Variants in IBTK observed in about 807,000 individuals in gnomAD.
The protein encoded by IBTK is inhibitor of Bruton tyrosine kinase, also known as BTK-binding protein.
A neutral mutation model predicts 154.9 loss-of-function variants in IBTK; 83 were observed. The ratio of observed to expected loss-of-function variants is 0.54; its 90% confidence interval spans 0.45 to 0.64. The LOEUF (loss-of-function observed/expected upper bound fraction) is 0.64. Among genes scored for constraint, IBTK ranks in the 30% least tolerant of loss-of-function variants. The probability of loss-of-function intolerance (pLI) is 0.00; values close to 1 mark genes in which losing one functional copy is unlikely to be tolerated. For synonymous variants in IBTK, 515 were observed against 536.1 expected, an observed-to-expected ratio of 0.96 and a Z score of 0.54; for missense variants, 1,332 against 1,584.6, an observed-to-expected ratio of 0.84 and a Z score of 2.71.
Position 82,240,615 on chromosome 6 carries a change from C to T in IBTK, c.-129G>A. 1.3e-6 allele frequency: 1 copy of T among 747,328 alleles called. No homozygotes were observed. The highest frequency in any genetic ancestry group is 2.1e-6 in the Non-Finnish European group (1 of 465,596). The allele number at this position is 747,328 out of a possible 1,614,324, so 46.3% of individuals were successfully genotyped here. On this transcript the variant is annotated 5_prime_UTR_variant, in exon 2 of 29. Transcript: ENST00000306270. ...ATTACCTTTTTAGGATAATTTAAAT[C>T]CTCCTGACAATAGTATAAAACTATA...
intron 15 of IBTK, 88 bp from the exon 16 acceptor site, chr6:82,210,998 C>T: frequency 1.6e-6 from 1 of 624,738 alleles, no homozygotes; most frequent in East Asian, 3.3e-5. Context: ...GTACAAAACA[C>T]TCTGAACAGG....
intron 28 of IBTK, among the ~76,000 whole-genome samples, chr6:82,172,145 C>T (rs2127795055): frequency 6.6e-6 from 1 of 152,214 alleles, no homozygotes; most frequent in Non-Finnish European, 1.5e-5. Context: ...TCCAAAGTAT[C>T]ACCAAAGCAA....
intron 23 of IBTK, among the ~76,000 whole-genome samples, chr6:82,194,075 T>C (rs1402825624): frequency 1.3e-5 from 2 of 152,116 alleles, no homozygotes; most frequent in Admixed American, 6.5e-5. Context: ...CCTCTGAAAA[T>C]TAACTGAATA....
Position 82,181,962 on chromosome 6 carries a change from AGACTTTTTTTCT to A in IBTK, c.3630_3641del (p.Glu1210_Ser1214delinsAsp). On this transcript the variant is annotated inframe_deletion, in exon 26 of 29. Coordinates refer to ENST00000306270, the MANE Select transcript of IBTK (RefSeq NM_015525.4). ...GATCGCCTGAACTATGGCTAGTAAC[AGACTTTTTTTCT>A]TCTAGTAAGAAATCCCGGAATGACT... 1 of 1,606,144 alleles carries A rather than the reference AGACTTTTTTTCT, an allele frequency of 6.2e-7. No individual in the cohort carries two copies. Among genetic ancestry groups the A allele is most frequent in the Non-Finnish European group, 8.5e-7 (1 of 1,178,152 alleles).
intron 25 of IBTK, among the ~76,000 whole-genome samples, chr6:82,182,995 C>A (rs1217593733): frequency 6.6e-6 from 1 of 152,096 alleles, no homozygotes; most frequent in Non-Finnish European, 1.5e-5. Context: ...AGCTGAGATT[C>A]CTGACCCAAA....
chr6:82,210,629 A>G (rs1340802941), intron 16 of IBTK, among the ~76,000 whole-genome samples, 185 bp downstream of exon 16: 1 of 152,138 alleles, frequency 6.6e-6, no homozygotes, highest in Non-Finnish European at 1.5e-5. Flanking sequence ...GTTTGAGACT[A>G]GCCTGGGCAA....
intron 20 of IBTK, 130 bp downstream of exon 20, chr6:82,200,457 A>T: frequency 2.2e-6 from 2 of 915,372 alleles, no homozygotes; most frequent in Non-Finnish European, 3.2e-6. Context: ...TTCTTATGTC[A>T]GAATTTCTCA....
chr6:82,194,580 T>C lies in IBTK; in HGVS notation c.3237A>G (p.Pro1079=), dbSNP rs780740496. The C allele has an allele frequency of 1.2e-5, 20 of 1,612,040 alleles. No homozygotes were observed. In the South Asian group the frequency reaches 1.9e-4, roughly 15 times the overall value. Residue 1079 remains proline (P), a synonymous_variant, in exon 23 of 29, where the codon CCA becomes CCG. Transcript: ENST00000306270. ...TTTTAAGTATTGGTGACTTTTCCCATGGTTTTAAATCTTCCCTAGAATACA... is the reference window on the plus strand; with the variant it reads ...TTTTAAGTATTGGTGACTTTTCCCACGGTTTTAAATCTTCCCTAGAATACA... ...SPVYSREDLK[P]WEKSPILKIS...
At chr6:82,175,178 T>G (rs1274181709) in intron 26 of IBTK, among the ~76,000 whole-genome samples, 1 of 152,184 alleles carries the variant, frequency 6.6e-6, no homozygotes, top group Non-Finnish European at 1.5e-5. Context: ...AATTAACGAC[T>G]GAAACAGAAA....
At chr6:82,176,458 T>G (rs1216043613) in intron 26 of IBTK, among the ~76,000 whole-genome samples, 1 of 148,778 alleles carries the variant, frequency 6.7e-6, no homozygotes. Context: ...GAGGCAGAGG[T>G]TGCAGTGAGC....
chr6:82,223,074 T>A (rs987536612), intron 8 of IBTK, among the ~76,000 whole-genome samples: 5 of 151,910 alleles, frequency 3.3e-5, no homozygotes, highest in African/African-American at 1.2e-4. Flanking sequence ...TAAAGATAAA[T>A]AAATGTATAA....
At chr6:82,191,456 G>A (rs1365537171) in intron 24 of IBTK, 3 of 561,174 alleles carry the variant, frequency 5.3e-6, no homozygotes, top group Admixed American at 3.3e-5. Flanking sequence ...AGCTACATAT[G>A]AGCCCTCCAA....
At position 82,194,492 on chromosome 6, in the gene IBTK, C is replaced by T; in HGVS notation, c.3325G>A (p.Ala1109Thr). The change falls in exon 23 of 29, where the codon GCT (alanine) becomes ACT (threonine). Residue 1109 changes from alanine (A) to threonine (T), a missense_variant. Coordinates refer to ENST00000306270, the MANE Select transcript of IBTK (RefSeq NM_015525.4). ...IDTTSSASWV[A>T]GSFSPVSPPV... ...TAAAAATCCTACCTGAAAGAACCAG[C>T]AACCCAACTGGCAGAGCTGGTAGTA... The T allele has an allele frequency of 1.3e-6, 2 of 1,573,292 alleles. No homozygotes were observed. The highest frequency in any genetic ancestry group is 1.2e-5 in the South Asian group (1 of 80,974).
At chr6:82,235,007 C>T (rs988697001) in intron 2 of IBTK, among the ~76,000 whole-genome samples, 5 of 151,588 alleles carry the variant, frequency 3.3e-5, no homozygotes, top group African/African-American at 1.2e-4. Context: ...ATTACAGGTG[C>T]CCACCACCAT....
At chr6:82,185,120 C>G (rs1157724225) in intron 25 of IBTK, among the ~76,000 whole-genome samples, 2 of 143,858 alleles carry the variant, frequency 1.4e-5, no homozygotes, top group African/African-American at 5.2e-5. Flanking sequence ...GAGGCAGAGG[C>G]TGCAATGAGC....
intron 25 of IBTK, among the ~76,000 whole-genome samples, chr6:82,186,913 CTTTTTTTTTTTT>C (rs138781864): frequency 1.9e-5 from 2 of 103,676 alleles, no homozygotes; most frequent in African/African-American, 7.5e-5. Flanking sequence ...TTATCAAATT[CTTTTTTTTTTTT>C]TTTTTTTTGA....
At position 82,200,640 on chromosome 6, in the gene IBTK, T is replaced by C; in HGVS notation, c.2859A>G (p.Val953=). 3.1e-6 allele frequency: 5 copies of C among 1,596,450 alleles called. No individual in the cohort carries two copies. In the South Asian group the frequency reaches 5.6e-5, roughly 18 times the overall value. Reference sequence around the variant, plus strand: ...CTTTCAAGAAGATATCTCCATCTTCTACTTCCAAATAGCTAATATCTGGTC... The same window carrying C: ...CTTTCAAGAAGATATCTCCATCTTCCACTTCCAAATAGCTAATATCTGGTC... The part of the protein sequence containing the change: ...QDGPDISYLE[V]EDGDIFLKEE... The change falls in exon 20 of 29, where the codon GTA becomes GTG. Residue 953 remains valine, a synonymous_variant. Transcript: ENST00000306270.
intron 22 of IBTK, 130 bp from the exon 23 acceptor site, chr6:82,194,772 AT>A (rs1029232725): frequency 1.7e-6 from 1 of 580,484 alleles, no homozygotes; most frequent in Non-Finnish European, 2.6e-6. Context: ...GCCATCTAGT[AT>A]TTTCAAATCA....
chr6:82,212,641 G>C, intron 13 of IBTK, 66 bp downstream of exon 13: 1 of 954,726 alleles, frequency 1.0e-6, no homozygotes, highest in Admixed American at 1.7e-5. Context: ...GGTAAGCAGA[G>C]ATCTATTTCC....
Sources: gnomAD v4.1 joint callset for allele counts (sites outside exome capture counted in the v4.1 genomes callset) on GRCh38, gnomAD v4.1.1 for gene constraint, MANE v1.5 for transcripts, NCBI Gene and HGNC (gene_info 2026-07-23, HGNC 2026-07-21) for gene names.